CPNE8: variants seen among roughly 807,000 people sequenced by gnomAD.
The protein encoded by CPNE8 is copine-8.
In CPNE8, 45 loss-of-function variants were observed where a neutral mutation model predicts 81.5. The observed-to-expected ratio is 0.55, with a 90% confidence interval of 0.44 to 0.71. The LOEUF is 0.71. CPNE8 is among the 30% of genes least tolerant of loss of function. The probability of loss-of-function intolerance (pLI) is 0.00; values close to 1 mark genes in which losing one functional copy is unlikely to be tolerated. For missense variants in CPNE8, 594 were observed against 672.1 expected (o/e 0.88, Z 1.28); for synonymous variants, 252 against 226.3 (o/e 1.11, Z -1.02).
chr12:38,826,305 G>A (rs1943190081), intron 6 of CPNE8, among the ~76,000 whole-genome samples: 1 of 152,088 alleles, frequency 6.6e-6, no homozygotes, highest in African/African-American at 2.4e-5. Flanking sequence ...TTTTCAGTAA[G>A]AAAGATAGAA....
intron 16 of CPNE8, among the ~76,000 whole-genome samples, chr12:38,684,253 T>TA (rs1166907929): frequency 6.6e-6 from 1 of 152,120 alleles, no homozygotes; most frequent in Non-Finnish European, 1.5e-5. Flanking sequence ...AGATTGCAAG[T>TA]AATGACCCAT....
chr12:38,729,114 G>A (rs1202892225), intron 11 of CPNE8, among the ~76,000 whole-genome samples: 1 of 152,088 alleles, frequency 6.6e-6, no homozygotes, highest in East Asian at 1.9e-4. Context: ...AGTATTATAT[G>A]CTGACTAGCA....
intron 8 of CPNE8, among the ~76,000 whole-genome samples, chr12:38,767,257 C>CA (rs1040738977): frequency 6.6e-5 from 10 of 151,100 alleles, no homozygotes; most frequent in East Asian, 1.9e-4. Context: ...ATATTATTGG[C>CA]AAAAAAAACC....
intron 19 of CPNE8, among the ~76,000 whole-genome samples, chr12:38,657,982 G>T (rs146465834): frequency 5.3e-5 from 8 of 152,080 alleles, no homozygotes; most frequent in African/African-American, 9.7e-5. Flanking sequence ...AAACCAGAGC[G>T]CCACTTCTCC....
At chr12:38,763,906 C>T (rs1941622410) in intron 8 of CPNE8, among the ~76,000 whole-genome samples, 1 of 151,772 alleles carries the variant, frequency 6.6e-6, no homozygotes, top group Non-Finnish European at 1.5e-5. Context: ...GATAAGTCCT[C>T]AAGTTCATTT....
chr12:38,729,560 AAGG>A (rs1940784256), intron 11 of CPNE8, among the ~76,000 whole-genome samples: 2 of 152,026 alleles, frequency 1.3e-5, no homozygotes, highest in Admixed American at 1.3e-4. Flanking sequence ...AAAGTGGTAG[AAGG>A]AGATTTCTCA....
chr12:38,823,159 C>A (rs751758205), intron 6 of CPNE8, among the ~76,000 whole-genome samples: 7 of 152,114 alleles, frequency 4.6e-5, no homozygotes, highest in Non-Finnish European at 8.8e-5. Flanking sequence ...TCAAGCCAAC[C>A]CTGTAAGTCT....
Position 38,798,954 on chromosome 12 carries a change from G to T in CPNE8, c.408-22653C>A, listed in dbSNP as rs71461475. On this transcript the variant is annotated intron_variant, in intron 6 of 19. Coordinates refer to ENST00000331366, the MANE Select transcript of CPNE8 (RefSeq NM_153634.3). ...ACAAAGATCAAAAGAGACAAAGAAG[G>T]CCATTACATAATGGTAAAGGGATCA... 5.3e-5 allele frequency among the ~76,000 whole-genome samples: 8 copies of T among 152,110 alleles called. 1 individual carries two copies. The highest frequency in any genetic ancestry group is 3.3e-4 in the Admixed American group (5 of 15,284).
intron 6 of CPNE8, among the ~76,000 whole-genome samples, chr12:38,784,932 C>T (rs577897082): frequency 6.2e-4 from 95 of 152,188 alleles, no homozygotes; most frequent in African/African-American, 2.2e-3. Context: ...CGGTGGCTCA[C>T]GTCTATAATT....
intron 10 of CPNE8, among the ~76,000 whole-genome samples, chr12:38,735,259 T>C (rs1940926452): frequency 1.9e-4 from 6 of 31,360 alleles, no homozygotes; most frequent in Non-Finnish European, 4.7e-4. Context: ...GTCACGAAAA[T>C]GAAAGACCCC....
chr12:38,829,035 A>T (rs1385592250), intron 6 of CPNE8, among the ~76,000 whole-genome samples: 1 of 152,212 alleles, frequency 6.6e-6, no homozygotes, highest in African/African-American at 2.4e-5. Context: ...AATACATGGT[A>T]TTAACAGCAG....
At chr12:38,679,543 T>C in intron 16 of CPNE8, 1 of 976,398 alleles carries the variant, frequency 1.0e-6, no homozygotes, top group Non-Finnish European at 1.2e-6. Flanking sequence ...TGACTGTCAC[T>C]ACTGCTAGGC....
intron 15 of CPNE8, among the ~76,000 whole-genome samples, chr12:38,689,094 T>TA (rs1381737253): frequency 6.6e-6 from 1 of 152,210 alleles, no homozygotes; most frequent in Non-Finnish European, 1.5e-5. Context: ...CAGGATTTTT[T>TA]AAAAAATAAG....
upstream of CPNE8, chr12:38,905,908 C>A: frequency 1.0e-6 from 1 of 985,312 alleles, no homozygotes; most frequent in Non-Finnish European, 1.2e-6. Context: ...AGACGCAGAC[C>A]CCTACCGTCC....
chr12:38,802,790 A>C (rs533233454), intron 6 of CPNE8, among the ~76,000 whole-genome samples: 4,198 of 141,420 alleles, frequency 0.03, 214 homozygotes, highest in African/African-American at 0.11. Context: ...AGAGAGAAGA[A>C]TCAAATAGAC....
chr12:38,906,129 A>G, upstream of CPNE8: 1 of 985,796 alleles, frequency 1.0e-6, no homozygotes, highest in South Asian at 4.7e-5. Flanking sequence ...CCCTCCCCAC[A>G]ATTGGTTCTC....
intron 13 of CPNE8, among the ~76,000 whole-genome samples, chr12:38,707,623 A>G (rs1205170824): frequency 6.6e-6 from 1 of 152,208 alleles, no homozygotes; most frequent in East Asian, 1.9e-4. Flanking sequence ...TGCAACAGAG[A>G]CACTCAATGA....
intron 6 of CPNE8, among the ~76,000 whole-genome samples, chr12:38,815,019 T>C (rs1393513386): frequency 6.6e-6 from 1 of 152,214 alleles, no homozygotes; most frequent in Non-Finnish European, 1.5e-5. Context: ...ATTAAATTTA[T>C]TGTCACATCT....
chr12:38,842,174 C>G (rs977853718), intron 4 of CPNE8, among the ~76,000 whole-genome samples: 3 of 152,052 alleles, frequency 2.0e-5, no homozygotes, highest in African/African-American at 7.2e-5. Flanking sequence ...TACTGTAGAA[C>G]TACAGTTGCT....
Sources: gnomAD v4.1 joint callset for allele counts (sites outside exome capture counted in the v4.1 genomes callset) on GRCh38, gnomAD v4.1.1 for gene constraint, MANE v1.5 for transcripts, NCBI Gene and HGNC (gene_info 2026-07-23, HGNC 2026-07-21) for gene names.